The following CLIP1 variants were observed in gnomAD, a reference collection of about 807,000 sequenced individuals.
CLIP1 encodes CAP-Gly domain containing linker protein 1.
In CLIP1, 66 loss-of-function variants were observed where a neutral mutation model predicts 161.6. That is an observed-to-expected ratio of 0.41 (90% CI 0.33 to 0.50). The LOEUF is 0.50. Among genes scored for constraint, CLIP1 ranks in the 20% least tolerant of loss-of-function variants. The pLI, the probability that CLIP1 is intolerant of heterozygous loss-of-function variation, is 0.27. For missense variants in CLIP1, 1,376 were observed against 1,702.0 expected (o/e 0.81, Z 3.37); for synonymous variants, 598 against 626.2 (o/e 0.96, Z 0.67).
Position 122,272,243 on chromosome 12 carries a change from A to G in CLIP1, c.*632T>C, listed in dbSNP as rs1478957638. The G allele has an allele frequency of 6.5e-6, 1 of 152,944 alleles. No individual in the cohort carries two copies. The highest frequency in any genetic ancestry group is 1.5e-5 in the Non-Finnish European group (1 of 68,266). 9.5% of individuals were successfully genotyped at this position (152,944 alleles called of 1,614,324 possible). A position where few individuals can be genotyped will look rare whatever the true frequency, so the allele number is the denominator to read the frequency against. ...AGTAGATTAAGTGGGTGCAGCATAT[A>G]GATTATAAAATGTCCCCACAGCAGT... On this transcript the variant is annotated 3_prime_UTR_variant, in exon 26 of 26. Coordinates refer to ENST00000620786, the MANE Select transcript of CLIP1 (RefSeq NM_001247997.2).
chr12:122,362,605 C>T lies in CLIP1; in HGVS notation c.782+1378G>A, dbSNP rs767806227. ...GCGGTGAGCCAAGATTGTGCCACTG[C>T]ACTTCAGCCTGGCAACAGAGCAAGA... is the stretch of plus-strand genomic sequence containing the variant. On this transcript the variant is annotated intron_variant, in intron 4 of 25. Transcript: ENST00000620786. Among the ~76,000 whole-genome samples, 3 of 111,976 alleles carry T rather than the reference C, an allele frequency of 2.7e-5. No homozygotes were observed. In the Admixed American group the frequency reaches 4.0e-4, roughly 15 times the overall value. 73.5% of individuals were successfully genotyped at this position (111,976 alleles called of 152,430 possible).
chr12:122,422,723 C>A (rs1400434821), upstream of CLIP1: 1 of 137,702 alleles, frequency 7.3e-6, no homozygotes, highest in East Asian at 2.3e-4. Flanking sequence ...CGCGCCCGCC[C>A]GGCCGGCCCG....
chr12:122,334,250 C>T (rs1483975895), intron 13 of CLIP1, 140 bp from the exon 14 acceptor site: 3 of 635,220 alleles, frequency 4.7e-6, no homozygotes, highest in Non-Finnish European at 8.3e-6. Flanking sequence ...CCTTACAAAT[C>T]ACATGGCTGT....
intron 3 of CLIP1, among the ~76,000 whole-genome samples, chr12:122,369,112 G>C (rs1332838887): frequency 6.6e-6 from 1 of 151,506 alleles, no homozygotes; most frequent in Non-Finnish European, 1.5e-5. Flanking sequence ...TCTGCCTCCC[G>C]GGTTCCAGAG....
intron 20 of CLIP1, among the ~76,000 whole-genome samples, chr12:122,297,588 A>G (rs1435740543): frequency 6.6e-6 from 1 of 152,160 alleles, no homozygotes; most frequent in African/African-American, 2.4e-5. Context: ...TCTCGAACCA[A>G]GCAAGTGTTC....
chr12:122,273,456 A>C (rs1269144912), intron 25 of CLIP1, among the ~76,000 whole-genome samples: 1 of 152,018 alleles, frequency 6.6e-6, no homozygotes, highest in Non-Finnish European at 1.5e-5. Flanking sequence ...TTGCCAAGTT[A>C]GCCAAGTTGG....
chr12:122,379,944 T>TAAAAAAAAAAAAAAAAAA (rs10661606), intron 2 of CLIP1, among the ~76,000 whole-genome samples: 13 of 99,710 alleles, frequency 1.3e-4, no homozygotes, highest in African/African-American at 5.0e-4. Flanking sequence ...ACTCCATCTT[T>TAAAAAAAAAAAAAAAAAA]AAAAAAAAAA....
intron 1 of CLIP1, among the ~76,000 whole-genome samples, chr12:122,413,900 T>C (rs982487200): frequency 1.2e-4 from 19 of 152,020 alleles, no homozygotes; most frequent in Admixed American, 3.3e-4. Context: ...TCTTTACTCA[T>C]TGTGGCCAAG....
intron 11 of CLIP1, 126 bp downstream of exon 11, chr12:122,340,627 T>C: frequency 1.4e-6 from 1 of 720,248 alleles, no homozygotes; most frequent in South Asian, 1.9e-5. Context: ...TATACTCAAC[T>C]GGGGACATCA....
At chr12:122,330,605 T>TTTTTTGTTTTTTTTTTTGTTTTG (rs1555265540) in intron 15 of CLIP1, among the ~76,000 whole-genome samples, 2 of 139,876 alleles carry the variant, frequency 1.4e-5, no homozygotes, top group African/African-American at 5.5e-5. Context: ...CAGTTTTTTT[T>TTTTTTGTTTTTTTTTTTGTTTTG]TTTTTTTTTT....
At chr12:122,301,056 T>C (rs577011155) in intron 20 of CLIP1, among the ~76,000 whole-genome samples, 2 of 152,240 alleles carry the variant, frequency 1.3e-5, no homozygotes, top group African/African-American at 4.8e-5. Flanking sequence ...TCATAAAAAA[T>C]GTCAATGTCA....
At chr12:122,401,942 A>G (rs2137087375) in intron 1 of CLIP1, among the ~76,000 whole-genome samples, 1 of 152,142 alleles carries the variant, frequency 6.6e-6, no homozygotes, top group Admixed American at 6.6e-5. Context: ...GGTTGCAGTG[A>G]GCCGAGATTT....
At chr12:122,284,149 G>A (rs1955755811) in intron 21 of CLIP1, among the ~76,000 whole-genome samples, 1 of 151,918 alleles carries the variant, frequency 6.6e-6, no homozygotes, top group Admixed American at 6.6e-5. Context: ...TTCCATAAGG[G>A]TTAATTAACA....
intron 19 of CLIP1, among the ~76,000 whole-genome samples, chr12:122,315,930 C>T (rs1010980795): frequency 1.3e-5 from 2 of 151,676 alleles, no homozygotes; most frequent in African/African-American, 4.8e-5. Context: ...CATGAACCAC[C>T]GTGCCTGGTC....
chr12:122,365,692 AG>A, intron 3 of CLIP1: 2 of 664,536 alleles, frequency 3.0e-6, no homozygotes, highest in Admixed American at 2.7e-5. Flanking sequence ...AAAAAAAAAA[AG>A]AAAGAACTGC....
intron 20 of CLIP1, among the ~76,000 whole-genome samples, chr12:122,307,618 C>G (rs1215787469): frequency 6.6e-6 from 1 of 152,150 alleles, no homozygotes; most frequent in Non-Finnish European, 1.5e-5. Flanking sequence ...TCTAACACAG[C>G]TGATCAATAG....
At chr12:122,354,672 T>A in intron 6 of CLIP1, 116 bp from the exon 7 acceptor site, 1 of 722,366 alleles carries the variant, frequency 1.4e-6, no homozygotes, top group East Asian at 2.7e-5. Context: ...TCTAAAACCT[T>A]ATGTTAAAAA....
intron 20 of CLIP1, among the ~76,000 whole-genome samples, chr12:122,291,483 C>T (rs1289338781): frequency 6.6e-6 from 1 of 152,216 alleles, no homozygotes; most frequent in African/African-American, 2.4e-5. Flanking sequence ...AGCTATCACG[C>T]CCGGCCAGTT....
chr12:122,274,407 C>A, intron 24 of CLIP1: 1 of 350,050 alleles, frequency 2.9e-6, no homozygotes, highest in Non-Finnish European at 5.3e-6. Context: ...TTCTTTTACC[C>A]CCTCACACCT....
Sources: gnomAD v4.1 joint callset for allele counts (sites outside exome capture counted in the v4.1 genomes callset) on GRCh38, gnomAD v4.1.1 for gene constraint, MANE v1.5 for transcripts, NCBI Gene and HGNC (gene_info 2026-07-23, HGNC 2026-07-21) for gene names.